Variants in RSPH14 observed in about 807,000 individuals in gnomAD.
RSPH14 encodes rhabdoid tumor deletion region gene 1.
Under a neutral mutation model 26.7 loss-of-function variants are expected in RSPH14, and 20 were observed. The observed-to-expected ratio is 0.75, with a 90% confidence interval of 0.53 to 1.09. RSPH14 has a LOEUF of 1.09. Ranked by LOEUF, RSPH14 falls within the 50% of genes least tolerant of loss-of-function variation. The pLI, the probability that RSPH14 is intolerant of heterozygous loss-of-function variation, is 0.00. For missense variants in RSPH14, 449 were observed against 457.2 expected, an observed-to-expected ratio of 0.98 and a Z score of 0.16; for synonymous variants, 177 against 189.3, an observed-to-expected ratio of 0.93 and a Z score of 0.53.
the RSPH14 span, among the ~76,000 whole-genome samples, chr22:23,175,621 T>C: frequency 6.6e-6 from 1 of 152,232 alleles, no homozygotes; most frequent in South Asian, 2.1e-4. Flanking sequence ...GATAGGCGTT[T>C]TATTATGAAG....
intron 4 of RSPH14, chr22:23,096,154 G>A (rs142851108): frequency 4.5e-5 from 73 of 1,612,970 alleles, no homozygotes; most frequent in African/African-American, 5.3e-5. Context: ...AGGACAACGC[G>A]GCCTACTACC....
the RSPH14 span, among the ~76,000 whole-genome samples, chr22:23,152,101 G>A: frequency 4.6e-5 from 7 of 152,356 alleles, no homozygotes; most frequent in African/African-American, 1.7e-4. Context: ...ACAGCTCCCG[G>A]ACAGCACAGA....
In RSPH14 at chr22:23,134,010, C is replaced by T. The variant is rs1474777620; in HGVS notation, c.421+16G>A. 4 of 1,592,726 alleles carry T rather than the reference C, an allele frequency of 2.5e-6. No homozygotes were observed. Among genetic ancestry groups the T allele is most frequent in the Non-Finnish European group, 3.4e-6 (4 of 1,161,042 alleles). Reference sequence around the variant, plus strand: ...CTTGAGTGCCCGACAGATCTGTGTGCAGGACGCAAGCCTACCTCTAGGCAC... The same window carrying T: ...CTTGAGTGCCCGACAGATCTGTGTGTAGGACGCAAGCCTACCTCTAGGCAC... On this transcript the variant is annotated intron_variant, in intron 4 of 6. Coordinates refer to ENST00000216036, the MANE Select transcript of RSPH14 (RefSeq NM_014433.3).
At chr22:23,157,739 G>A in the RSPH14 span, among the ~76,000 whole-genome samples, 13 of 152,194 alleles carry the variant, frequency 8.5e-5, no homozygotes, top group South Asian at 2.1e-4. Context: ...CCATGCGCTC[G>A]CTCCACGCCT....
At chr22:23,108,546 AG>A (rs2069550910) in intron 4 of RSPH14, among the ~76,000 whole-genome samples, 1 of 152,232 alleles carries the variant, frequency 6.6e-6, no homozygotes, top group Admixed American at 6.5e-5. Flanking sequence ...GGGTTTGCAC[AG>A]GGGGCAACCC....
chr22:23,059,808 T>C lies in RSPH14; in HGVS notation c.791-90A>G, dbSNP rs747364204. On this transcript the variant is annotated intron_variant, in intron 6 of 6. Transcript: ENST00000216036. ...CCTAGCCCTCTCCTGACCCTCCTCC[T>C]TGTGCAGTCTCAAGGGGTTTATGCC... is the stretch of plus-strand genomic sequence containing the variant. 457 of 1,381,480 alleles carry C rather than the reference T, an allele frequency of 3.3e-4. 3 individuals are homozygous for C. The highest frequency in any genetic ancestry group is 6.8e-5 in the Non-Finnish European group (71 of 1,046,048). The allele number at this position is 1,381,480 out of a possible 1,614,324, so 85.6% of individuals were successfully genotyped here.
intron 4 of RSPH14, among the ~76,000 whole-genome samples, chr22:23,077,888 C>G (rs1264264426): frequency 6.6e-6 from 1 of 152,236 alleles, no homozygotes; most frequent in Non-Finnish European, 1.5e-5. Flanking sequence ...CTCTTGCACC[C>G]CCACACTAGT....
intron 4 of RSPH14, 62 bp downstream of exon 4, chr22:23,133,964 G>A (rs1479218515): frequency 8.7e-7 from 1 of 1,154,496 alleles, no homozygotes; most frequent in South Asian, 1.2e-5. Flanking sequence ...TATGTGACCT[G>A]GAGAGGAGAC....
intron 4 of RSPH14, among the ~76,000 whole-genome samples, chr22:23,116,046 C>T (rs995530957): frequency 7.9e-5 from 12 of 152,376 alleles, no homozygotes; most frequent in Admixed American, 2.0e-4. Flanking sequence ...CCACAGCAAA[C>T]AACAAAACAG....
chr22:23,080,116 C>A (rs543419900), intron 4 of RSPH14, among the ~76,000 whole-genome samples: 1 of 151,432 alleles, frequency 6.6e-6, no homozygotes, highest in South Asian at 2.1e-4. Context: ...GAAGGCCCCA[C>A]TTCTTCTCTG....
At chr22:23,138,513 G>A (rs1478696340) in intron 3 of RSPH14, among the ~76,000 whole-genome samples, 1 of 152,170 alleles carries the variant, frequency 6.6e-6, no homozygotes, top group African/African-American at 2.4e-5. Flanking sequence ...AGTGAGCTGA[G>A]ATCGTGTCAC....
intron 4 of RSPH14, chr22:23,095,324 C>G (rs1215863613): frequency 1.1e-5 from 3 of 261,598 alleles, no homozygotes; most frequent in Admixed American, 5.1e-5. Context: ...CTCCAACCCT[C>G]CAGCCACTCA....
chr22:23,098,440 C>T (rs1262197501), intron 4 of RSPH14, among the ~76,000 whole-genome samples: 3 of 152,244 alleles, frequency 2.0e-5, no homozygotes, highest in Admixed American at 2.0e-4. Flanking sequence ...AGCTTTCCCT[C>T]TCCCAGGCCT....
In RSPH14 at chr22:23,071,764, C is replaced by T. The variant is rs906738317; in HGVS notation, c.422-7631G>A. ...CCTGGGCTGGGGGGTCAGGTGAGCT[C>T]GTGGGCAACATGACATTTGAACTGG... On this transcript the variant is annotated intron_variant, in intron 4 of 6. Coordinates refer to ENST00000216036, the MANE Select transcript of RSPH14 (RefSeq NM_014433.3). This position sits in a 1 kb window ranked among gnomAD's most constrained non-coding sequence, Gnocchi z 4.1. 2.0e-5 allele frequency among the ~76,000 whole-genome samples: 3 copies of T among 152,118 alleles called. No homozygotes were observed. Among genetic ancestry groups the T allele is most frequent in the Non-Finnish European group, 2.9e-5 (2 of 68,022 alleles).
intron 4 of RSPH14, among the ~76,000 whole-genome samples, chr22:23,112,045 A>C (rs751788082): frequency 1.3e-4 from 20 of 152,174 alleles, no homozygotes; most frequent in Admixed American, 4.6e-4. Context: ...CTTGGGGGTA[A>C]CCAGGAAAGG....
chr22:23,161,115 C>T, the RSPH14 span: 1 of 1,285,458 alleles, frequency 7.8e-7, no homozygotes, highest in African/African-American at 1.5e-5. Context: ...CCTCTCCTGT[C>T]CTTTGACCCT....
intron 4 of RSPH14, among the ~76,000 whole-genome samples, chr22:23,133,632 C>G (rs1003732992): frequency 6.6e-6 from 1 of 152,066 alleles, no homozygotes. Context: ...CACTGTCGCC[C>G]GGGCTAGAGT....
chr22:23,108,834 G>T (rs1177827751), intron 4 of RSPH14, among the ~76,000 whole-genome samples: 1 of 152,260 alleles, frequency 6.6e-6, no homozygotes, highest in African/African-American at 2.4e-5. Flanking sequence ...TGCTGGAGAG[G>T]TGGTGTCCCT....
chr22:23,080,642 G>T (rs1324716887), intron 4 of RSPH14, among the ~76,000 whole-genome samples: 2 of 152,204 alleles, frequency 1.3e-5, no homozygotes, highest in African/African-American at 4.8e-5. Context: ...CAACCCAGTG[G>T]CCTGGGCCCT....
Sources: gnomAD v4.1 joint callset for allele counts (sites outside exome capture counted in the v4.1 genomes callset) on GRCh38, gnomAD v4.1.1 for gene constraint, Gnocchi (gnomAD v3.1) non-coding constraint, MANE v1.5 for transcripts, NCBI Gene and HGNC (gene_info 2026-07-23, HGNC 2026-07-21) for gene names.